Variants in TMEM26 observed in about 807,000 individuals in gnomAD.
TMEM26 encodes transmembrane protein 26.
Under a neutral mutation model 28.8 loss-of-function variants are expected in TMEM26, and 38 were observed. The observed-to-expected ratio is 1.32, with a 90% confidence interval of 1.02 to 1.73. The LOEUF is 1.73. Ranked by LOEUF, TMEM26 falls within the 40% of genes most tolerant of loss-of-function variation. The pLI, the probability that TMEM26 is intolerant of heterozygous loss-of-function variation, is 0.00. For synonymous variants in TMEM26, 227 were observed against 182.9 expected (o/e 1.24, Z -1.95); for missense variants, 518 against 447.1 (o/e 1.16, Z -1.43).
Position 61,410,021 on chromosome 10 carries a change from G to C in TMEM26, c.*301C>G, listed in dbSNP as rs967700109. ...ACAGTTGGTCTGCACCAAATCTTTC[G>C]AGGGCATGTCACTGTAACCTCTTCC... is the stretch of plus-strand genomic sequence containing the variant. On this transcript the variant is annotated 3_prime_UTR_variant, in exon 6 of 6. Transcript: ENST00000399298. The C allele has an allele frequency of 6.2e-6, 2 of 325,066 alleles. No homozygotes were observed. Among genetic ancestry groups the C allele is most frequent in the East Asian group, 1.2e-4 (2 of 16,444 alleles). 20.1% of individuals were successfully genotyped at this position (325,066 alleles called of 1,614,324 possible). A position where few individuals can be genotyped will look rare whatever the true frequency, so the allele number is the denominator to read the frequency against.
Position 61,410,206 on chromosome 10 carries a change from T to G in TMEM26, c.*116A>C. ...CCTCAGCTTTGGTTTAAGATCACCT[T>G]TTTATGTTGTTCTTTTGAAAATTAT... is the stretch of plus-strand genomic sequence containing the variant. On this transcript the variant is annotated 3_prime_UTR_variant, in exon 6 of 6. Transcript: ENST00000399298. 1.7e-6 allele frequency: 2 copies of G among 1,188,502 alleles called. No homozygotes were observed. The highest frequency in any genetic ancestry group is 2.3e-6 in the Non-Finnish European group (2 of 867,916). 73.6% of individuals were successfully genotyped at this position (1,188,502 alleles called of 1,614,324 possible). A position where few individuals can be genotyped will look rare whatever the true frequency, so the allele number is the denominator to read the frequency against.
At chr10:61,429,428 T>G (rs1839886250) in intron 3 of TMEM26, among the ~76,000 whole-genome samples, 1 of 152,064 alleles carries the variant, frequency 6.6e-6, no homozygotes, top group African/African-American at 2.4e-5. Context: ...AGAACCAATT[T>G]TACAATGTTT....
chr10:61,453,089 G>A lies in TMEM26; in HGVS notation c.-8C>T, dbSNP rs750561920. Reference sequence around the variant, plus strand: ...GAAGACCAGTCCCTCCATGCTGGCCGGAGCACTCTGCCTACGTCCCCTTGC... The same window carrying A: ...GAAGACCAGTCCCTCCATGCTGGCCAGAGCACTCTGCCTACGTCCCCTTGC... On this transcript the variant is annotated 5_prime_UTR_variant, in exon 1 of 6. Coordinates refer to ENST00000399298, the MANE Select transcript of TMEM26 (RefSeq NM_178505.8). 36 of 1,610,212 alleles carry A rather than the reference G, an allele frequency of 2.2e-5. No homozygotes were observed. The highest frequency in any genetic ancestry group is 3.1e-5 in the Non-Finnish European group (36 of 1,178,534).
chr10:61,448,762 TA>T (rs901625522), intron 1 of TMEM26, among the ~76,000 whole-genome samples: 1 of 152,082 alleles, frequency 6.6e-6, no homozygotes, highest in African/African-American at 2.4e-5. Context: ...GGTGACCAAA[TA>T]GGTGAGTTAT....
At chr10:61,449,588 T>A (rs1022074876) in intron 1 of TMEM26, among the ~76,000 whole-genome samples, 1 of 152,232 alleles carries the variant, frequency 6.6e-6, no homozygotes, top group African/African-American at 2.4e-5. Flanking sequence ...TGGGTCCAAG[T>A]GTAAATTTGA....
intron 1 of TMEM26, among the ~76,000 whole-genome samples, chr10:61,449,159 A>G (rs762264421): frequency 4.6e-5 from 7 of 152,354 alleles, no homozygotes; most frequent in Non-Finnish European, 8.8e-5. Context: ...TAGGTGAAAA[A>G]AAGCAAACTC....
chr10:61,425,680 T>C (rs147012494), intron 4 of TMEM26, among the ~76,000 whole-genome samples: 6 of 152,222 alleles, frequency 3.9e-5, no homozygotes, highest in African/African-American at 1.4e-4. Context: ...AATATTTCCA[T>C]GAAAAGATGC....
chr10:61,436,810 G>A (rs183952390), intron 1 of TMEM26, among the ~76,000 whole-genome samples: 4 of 152,216 alleles, frequency 2.6e-5, no homozygotes, highest in African/African-American at 9.6e-5. Context: ...AACAACCAAC[G>A]GTGTAAGCCT....
intron 4 of TMEM26, among the ~76,000 whole-genome samples, chr10:61,423,885 A>T (rs1432876277): frequency 6.6e-6 from 1 of 152,240 alleles, no homozygotes; most frequent in Non-Finnish European, 1.5e-5. Context: ...AAGCAGGAAA[A>T]GGATTTAATG....
intron 1 of TMEM26, among the ~76,000 whole-genome samples, chr10:61,447,406 A>T (rs1024465318): frequency 6.6e-6 from 1 of 152,206 alleles, no homozygotes; most frequent in Non-Finnish European, 1.5e-5. Flanking sequence ...TTTCAATTTC[A>T]CTGCTGAACT....
chr10:61,418,686 A>C (rs1839693705), intron 4 of TMEM26, among the ~76,000 whole-genome samples: 2 of 152,134 alleles, frequency 1.3e-5, no homozygotes, highest in South Asian at 4.1e-4. Context: ...CTTGATTAGA[A>C]ATATTTAAAA....
At chr10:61,412,764 T>C (rs959093931) in intron 5 of TMEM26, 2 of 276,796 alleles carry the variant, frequency 7.2e-6, no homozygotes, top group African/African-American at 4.5e-5. Flanking sequence ...GGAATTTTAA[T>C]GTTTTAAATT....
intron 4 of TMEM26, among the ~76,000 whole-genome samples, chr10:61,417,232 C>T (rs7082786): frequency 2.0e-5 from 3 of 151,828 alleles, no homozygotes; most frequent in South Asian, 2.1e-4. Context: ...CAATGACTTG[C>T]TTCAGAGAGA....
intron 2 of TMEM26, among the ~76,000 whole-genome samples, chr10:61,435,530 C>T (rs1160458543): frequency 6.6e-6 from 1 of 152,148 alleles, no homozygotes; most frequent in Non-Finnish European, 1.5e-5. Flanking sequence ...TACATATAAG[C>T]TCACCTTCCA....
intron 3 of TMEM26, among the ~76,000 whole-genome samples, chr10:61,430,436 A>G (rs928474549): frequency 6.6e-6 from 1 of 151,994 alleles, no homozygotes; most frequent in Non-Finnish European, 1.5e-5. Flanking sequence ...TACAAAATAC[A>G]TATGGTGGAG....
intron 2 of TMEM26, among the ~76,000 whole-genome samples, chr10:61,435,098 C>T (rs568904436): frequency 2.0e-5 from 3 of 152,282 alleles, no homozygotes; most frequent in Admixed American, 6.5e-5. Context: ...TATGACTGCA[C>T]TCAACCTAGA....
chr10:61,442,073 A>G (rs1328257110), intron 1 of TMEM26, among the ~76,000 whole-genome samples: 3 of 152,120 alleles, frequency 2.0e-5, no homozygotes, highest in Admixed American at 2.0e-4. Context: ...GTATATATAT[A>G]TAGGTCTTGC....
intron 5 of TMEM26, among the ~76,000 whole-genome samples, chr10:61,411,063 G>C: frequency 6.6e-6 from 1 of 152,184 alleles, no homozygotes; most frequent in Non-Finnish European, 1.5e-5. Flanking sequence ...TTGTGAGGCT[G>C]AGGCTGCACC....
At chr10:61,429,728 C>T (rs1589034955) in intron 3 of TMEM26, among the ~76,000 whole-genome samples, 1 of 151,946 alleles carries the variant, frequency 6.6e-6, no homozygotes, top group Non-Finnish European at 1.5e-5. Context: ...ACTTAACATA[C>T]TATTCAATAA....
Sources: gnomAD v4.1 joint callset for allele counts (sites outside exome capture counted in the v4.1 genomes callset) on GRCh38, gnomAD v4.1.1 for gene constraint, MANE v1.5 for transcripts, NCBI Gene and HGNC (gene_info 2026-07-23, HGNC 2026-07-21) for gene names.